Variants in EHF observed in about 807,000 individuals in gnomAD.
EHF encodes the protein ETS homologous factor, also known as ESE3 transcription factor.
In EHF, 14 loss-of-function variants were observed where a neutral mutation model predicts 45.1. The observed-to-expected ratio is 0.31, with a 90% confidence interval of 0.21 to 0.49. EHF has a LOEUF of 0.49. Among genes scored for constraint, EHF ranks in the 20% least tolerant of loss-of-function variants. The pLI, the probability that EHF is intolerant of heterozygous loss-of-function variation, is 0.99. For synonymous variants in EHF, 136 were observed against 131.8 expected (o/e 1.03, Z -0.22); for missense variants, 282 against 371.4 (o/e 0.76, Z 1.98).
intron 1 of EHF, among the ~76,000 whole-genome samples, chr11:34,637,641 G>T (rs1467056768): frequency 1.3e-5 from 2 of 152,162 alleles, no homozygotes; most frequent in Non-Finnish European, 2.9e-5. Context: ...CTGGCATGTT[G>T]TACTTGCCAG....
chr11:34,630,299 G>T (rs1206739449), intron 1 of EHF, among the ~76,000 whole-genome samples: 1 of 151,766 alleles, frequency 6.6e-6, no homozygotes. Context: ...TGCTAGCTTT[G>T]TGTCTTTAGA....
intron 2 of EHF, among the ~76,000 whole-genome samples, chr11:34,643,065 G>GGTGTGTGTGTGT (rs76080001): frequency 1.2e-4 from 18 of 145,024 alleles, no homozygotes; most frequent in African/African-American, 4.3e-4. Context: ...GGAGAGAAAG[G>GGTGTGTGTGTGT]GTATGTGTGT....
intron 1 of EHF, chr11:34,622,199 C>A (rs117880002): frequency 4.5e-6 from 1 of 224,058 alleles, no homozygotes; most frequent in South Asian, 6.0e-5. Flanking sequence ...GGTGAGAAAG[C>A]GACATTTTCA....
At chr11:34,632,101 C>T (rs938717687) in intron 1 of EHF, among the ~76,000 whole-genome samples, 7 of 152,142 alleles carry the variant, frequency 4.6e-5, no homozygotes, top group Non-Finnish European at 8.8e-5. Context: ...AAACTGAAAA[C>T]GCAGGTTTTT....
chr11:34,637,980 C>T (rs1406569232), intron 1 of EHF, among the ~76,000 whole-genome samples: 2 of 151,532 alleles, frequency 1.3e-5, no homozygotes, highest in Non-Finnish European at 2.9e-5. Context: ...CGGCTCGCTG[C>T]AACCTCTGAC....
At chr11:34,657,461 T>C (rs929033055) in intron 7 of EHF, among the ~76,000 whole-genome samples, 7 of 152,098 alleles carry the variant, frequency 4.6e-5, no homozygotes, top group Non-Finnish European at 1.0e-4. Context: ...TATGAACATA[T>C]ACGAAATATC....
rs16925918 is a variant in EHF, at chr11:34,624,150, T to C, written c.-4+2922T>C. ...TTGCTGCCGTTTCAGCCCATTTCTC[T>C]TGTTAAGATCGCTCTCTGGTAGAGT... On this transcript the variant is annotated intron_variant, in intron 1 of 8. Coordinates refer to ENST00000257831, the MANE Select transcript of EHF (RefSeq NM_012153.6). The C allele has an allele frequency of 9.4e-3, 3,559 of 377,506 alleles. 131 individuals are homozygous for C. Among genetic ancestry groups the C allele is most frequent in the African/African-American group, 0.073 (3,353 of 45,674 alleles). The allele number at this position is 377,506 out of a possible 1,614,324, so 23.4% of individuals were successfully genotyped here. A position where few individuals can be genotyped will look rare whatever the true frequency, so the allele number is the denominator to read the frequency against.
At chr11:34,649,777 T>C (rs1216224961) in intron 4 of EHF, among the ~76,000 whole-genome samples, 3 of 152,302 alleles carry the variant, frequency 2.0e-5, no homozygotes, top group Non-Finnish European at 2.9e-5. Context: ...CCTAAGTCAC[T>C]CCCCATGTTC....
At chr11:34,624,755 G>C (rs1207537534) in intron 1 of EHF, among the ~76,000 whole-genome samples, 1 of 152,160 alleles carries the variant, frequency 6.6e-6, no homozygotes, top group East Asian at 1.9e-4. Context: ...ATTCTTCAGA[G>C]GGGGGTGGAA....
chr11:34,648,991 T>C (rs1296247124), intron 3 of EHF, 28 bp from the exon 4 acceptor site: 3 of 1,608,428 alleles, frequency 1.9e-6, no homozygotes, highest in Non-Finnish European at 1.7e-6. Flanking sequence ...CTGGGCCCTC[T>C]CTGACTATCC....
chr11:34,624,640 G>A (rs973789538), intron 1 of EHF, among the ~76,000 whole-genome samples: 4 of 152,180 alleles, frequency 2.6e-5, no homozygotes, highest in African/African-American at 9.7e-5. Flanking sequence ...TATTCTTAGG[G>A]TGGGACATAG....
At chr11:34,634,687 TAAC>T (rs1368361328) in intron 1 of EHF, among the ~76,000 whole-genome samples, 1 of 152,198 alleles carries the variant, frequency 6.6e-6, no homozygotes, top group Admixed American at 6.5e-5. Context: ...AAAATTAAAA[TAAC>T]TTTATTGAGT....
intron 1 of EHF, among the ~76,000 whole-genome samples, chr11:34,635,061 G>A (rs974356432): frequency 6.6e-6 from 1 of 152,142 alleles, no homozygotes; most frequent in African/African-American, 2.4e-5. Context: ...GTTGTTGTGA[G>A]CATTGATTGA....
chr11:34,650,686 C>A (rs1340957231), intron 4 of EHF, among the ~76,000 whole-genome samples: 1 of 152,078 alleles, frequency 6.6e-6, no homozygotes, highest in African/African-American at 2.4e-5. Flanking sequence ...AGCCAAGAAA[C>A]AAAATGCTTC....
At chr11:34,634,560 C>T (rs1022139916) in intron 1 of EHF, among the ~76,000 whole-genome samples, 4 of 152,168 alleles carry the variant, frequency 2.6e-5, no homozygotes, top group Non-Finnish European at 5.9e-5. Flanking sequence ...TGCTCCGTGG[C>T]CCTGGTGGTT....
chr11:34,645,978 A>G (rs912615720), intron 2 of EHF, among the ~76,000 whole-genome samples: 8 of 151,840 alleles, frequency 5.3e-5, no homozygotes, highest in Admixed American at 1.3e-4. Context: ...TAGAGAAAAG[A>G]ACCTTAATTT....
chr11:34,631,917 C>T (rs1006100333), intron 1 of EHF, among the ~76,000 whole-genome samples: 7 of 152,188 alleles, frequency 4.6e-5, no homozygotes, highest in Non-Finnish European at 7.3e-5. Context: ...ATGATCTGAA[C>T]CTGGGCTGGC....
intron 1 of EHF, among the ~76,000 whole-genome samples, chr11:34,629,039 C>T (rs1852633994): frequency 2.6e-5 from 4 of 152,178 alleles, no homozygotes; most frequent in African/African-American, 9.7e-5. Context: ...TATGACAACT[C>T]CTGAGACTGG....
rs570426754 is a variant in EHF at position 34,646,912 on chromosome 11, C to T, written c.343+228C>T. On this transcript the variant is annotated intron_variant, in intron 3 of 8. Coordinates refer to ENST00000257831, the MANE Select transcript of EHF (RefSeq NM_012153.6). ...AAATGCCAGTGTAATTTAATTCTTT[C>T]CTTATGGTGATAATTTTCAAGAAGA... 9.0e-4 allele frequency: 494 copies of T among 548,758 alleles called. 3 individuals are homozygous for T. Among genetic ancestry groups the T allele is most frequent in the Middle Eastern group, 5.1e-3 (11 of 2,138 alleles). 34.0% of individuals were successfully genotyped at this position (548,758 alleles called of 1,614,324 possible). A position where few individuals can be genotyped will look rare whatever the true frequency, so the allele number is the denominator to read the frequency against.
Sources: allele counts gnomAD v4.1 joint callset (sites outside exome capture counted in the v4.1 genomes callset), GRCh38; gene constraint gnomAD v4.1.1; transcripts MANE v1.5; gene names NCBI Gene and HGNC (gene_info 2026-07-23, HGNC 2026-07-21).